TAX1BP1: variants seen among roughly 807,000 people sequenced by gnomAD.
TAX1BP1 encodes the protein Tax1 binding protein 1, also known as tax1-binding protein 1.
Under a neutral mutation model 97.7 loss-of-function variants are expected in TAX1BP1, and 62 were observed. The ratio of observed to expected loss-of-function variants is 0.63; its 90% CI spans 0.52 to 0.78. The LOEUF (loss-of-function observed/expected upper bound fraction) is 0.78, where lower values mean the gene tolerates loss of function less well. Ranked by LOEUF, TAX1BP1 falls within the 30% of genes least tolerant of loss-of-function variation. The pLI, the probability that TAX1BP1 is intolerant of heterozygous loss-of-function variation, is 0.00. For synonymous variants in TAX1BP1, 340 were observed against 304.2 expected (o/e 1.12, Z -1.23); for missense variants, 867 against 916.1 (o/e 0.95, Z 0.69).
At chr7:27,801,242 A>T (rs1333958818) in intron 13 of TAX1BP1, among the ~76,000 whole-genome samples, 5 of 145,916 alleles carry the variant, frequency 3.4e-5, no homozygotes, top group East Asian at 2.0e-4. Flanking sequence ...TATAATTTAC[A>T]TTTTTTTTTT....
rs754964407 is a variant in TAX1BP1 at position 27,799,999 on chromosome 7, A to T, written c.1673A>T (p.Glu558Val). 2 of 1,603,204 alleles carry T rather than the reference A, an allele frequency of 1.2e-6. No homozygotes were observed. Among genetic ancestry groups the T allele is most frequent in the Admixed American group, 3.5e-5 (2 of 57,940 alleles). Residue 558 changes from glutamate (E) to valine (V), a missense_variant, in exon 13 of 17, where the codon GAA becomes GTA. By Grantham distance (121) the Glu-to-Val change is moderately radical (BLOSUM62 -2). Around this residue, in one of 3 missense-constraint regions of TAX1BP1, gnomAD observed 822 missense variants for 851.4 expected, o/e 0.97. Transcript: ENST00000396319. ...EKAKCNKYAD[E>V]LAKMELKWKE... ...GCAAAATGCAATAAATATGCTGATG[A>T]ACTTGCAAAAATGGAGCTGAAATGG...
chr7:27,821,804 A>G (rs555014518), intron 15 of TAX1BP1, among the ~76,000 whole-genome samples: 40 of 152,208 alleles, frequency 2.6e-4, no homozygotes, highest in African/African-American at 9.1e-4. Context: ...AGCAAAAAAA[A>G]CCCTGTAGCC....
At chr7:27,807,545 T>G (rs1254145479) in intron 13 of TAX1BP1, among the ~76,000 whole-genome samples, 1 of 152,154 alleles carries the variant, frequency 6.6e-6, no homozygotes, top group East Asian at 1.9e-4. Context: ...GGTTATGAAT[T>G]TTGCCAGGAA....
At chr7:27,793,748 A>G (rs979428526) in intron 10 of TAX1BP1, among the ~76,000 whole-genome samples, 2 of 152,214 alleles carry the variant, frequency 1.3e-5, no homozygotes, top group Admixed American at 1.3e-4. Context: ...GTTTTGAGGT[A>G]TGTATGTTTC....
In TAX1BP1 at chr7:27,816,644, A is replaced by T. The variant is rs148247927; in HGVS notation, c.1936+124A>T. 6.1e-4 allele frequency: 593 copies of T among 971,198 alleles called. 2 individuals are homozygous for T. The African/African-American group carries it at 9.0e-3, about 15-fold the overall frequency. The allele number at this position is 971,198 out of a possible 1,614,324, so 60.2% of individuals were successfully genotyped here. A position where few individuals can be genotyped will look rare whatever the true frequency, so the allele number is the denominator to read the frequency against. On this transcript the variant is annotated intron_variant, in intron 14 of 16. Coordinates refer to ENST00000396319, the MANE Select transcript of TAX1BP1 (RefSeq NM_006024.7). Reference sequence around the variant, plus strand: ...AATACAAACATTATTTTATTTGTATAATTAGCAGTTTTAATATTTAACACT... The same window carrying T: ...AATACAAACATTATTTTATTTGTATTATTAGCAGTTTTAATATTTAACACT...
intron 4 of TAX1BP1, 111 bp downstream of exon 4, chr7:27,766,132 A>G: frequency 8.5e-7 from 1 of 1,172,116 alleles, no homozygotes. Context: ...CAAAAATCGA[A>G]TGCTTTGGCT....
chr7:27,821,878 T>G (rs1355623217), intron 15 of TAX1BP1, among the ~76,000 whole-genome samples: 1 of 152,206 alleles, frequency 6.6e-6, no homozygotes, highest in Non-Finnish European at 1.5e-5. Flanking sequence ...CCACTTTGTT[T>G]ATAGATTCGT....
chr7:27,742,245 G>A (rs62449629), intron 1 of TAX1BP1, among the ~76,000 whole-genome samples: 3 of 152,020 alleles, frequency 2.0e-5, no homozygotes, highest in African/African-American at 7.2e-5. Context: ...CCCTTCCCAC[G>A]AGGCCATATT....
At chr7:27,827,671 G>T in intron 15 of TAX1BP1, 67 bp from the exon 16 acceptor site, 1 of 1,335,962 alleles carries the variant, frequency 7.5e-7, no homozygotes, top group South Asian at 1.2e-5. Context: ...GTATGTGCTT[G>T]ATTGAATTAA....
chr7:27,819,757 G>A (rs921836316), intron 15 of TAX1BP1, among the ~76,000 whole-genome samples: 2 of 152,156 alleles, frequency 1.3e-5, no homozygotes, highest in Admixed American at 6.5e-5. Context: ...CCATCTTAAA[G>A]TTCAAAAATT....
At chr7:27,807,142 C>T (rs1246433024) in intron 13 of TAX1BP1, among the ~76,000 whole-genome samples, 3 of 151,816 alleles carry the variant, frequency 2.0e-5, no homozygotes, top group Admixed American at 6.6e-5. Flanking sequence ...GTATAGTGAA[C>T]TCTCATTTAT....
Position 27,755,997 on chromosome 7 carries a change from A to G in TAX1BP1, c.163-2034A>G, listed in dbSNP as rs921544715. 4.6e-5 allele frequency among the ~76,000 whole-genome samples: 7 copies of G among 152,284 alleles called. 1 individual carries two copies. Among genetic ancestry groups the G allele is most frequent in the African/African-American group, 1.7e-4 (7 of 41,582 alleles). ...TGGTAATGGTGGACTAAAAGACAAG[A>G]TTTCTTGCATTTCAGTGTGTCCTGT... On this transcript the variant is annotated intron_variant, in intron 2 of 16. Transcript: ENST00000396319.
intron 3 of TAX1BP1, among the ~76,000 whole-genome samples, chr7:27,761,386 T>C (rs1435216945): frequency 6.6e-6 from 1 of 152,220 alleles, no homozygotes; most frequent in African/African-American, 2.4e-5. Flanking sequence ...ATGTAAATTC[T>C]GTTGATTTTG....
chr7:27,765,460 A>C (rs1562706838), intron 3 of TAX1BP1, among the ~76,000 whole-genome samples: 1 of 152,098 alleles, frequency 6.6e-6, no homozygotes, highest in Non-Finnish European at 1.5e-5. Context: ...GATTTCTCTA[A>C]ATGACATATT....
chr7:27,779,291 A>C (rs1331596283), intron 5 of TAX1BP1, among the ~76,000 whole-genome samples: 1 of 152,152 alleles, frequency 6.6e-6, no homozygotes, highest in Non-Finnish European at 1.5e-5. Context: ...TGCTTGGCTC[A>C]TATCTAGATT....
intron 2 of TAX1BP1, among the ~76,000 whole-genome samples, chr7:27,755,468 C>T (rs988384298): frequency 1.3e-5 from 2 of 152,026 alleles, no homozygotes; most frequent in African/African-American, 4.8e-5. Flanking sequence ...CTCAATGTTT[C>T]TCCAGGATTT....
intron 5 of TAX1BP1, among the ~76,000 whole-genome samples, chr7:27,779,594 T>A (rs1730045914): frequency 6.6e-6 from 1 of 152,232 alleles, no homozygotes; most frequent in African/African-American, 2.4e-5. Context: ...TAATTTTTTG[T>A]CTTAATGGCA....
At chr7:27,769,933 A>G (rs1788783386) in intron 5 of TAX1BP1, 99 bp downstream of exon 5, 4 of 1,216,344 alleles carry the variant, frequency 3.3e-6, no homozygotes, top group Non-Finnish European at 4.7e-6. Flanking sequence ...AAAACCAGGT[A>G]CTGAGAAAAG....
At chr7:27,754,483 A>C (rs1234888874) in intron 2 of TAX1BP1, among the ~76,000 whole-genome samples, 2 of 151,232 alleles carry the variant, frequency 1.3e-5, no homozygotes, top group African/African-American at 4.8e-5. Flanking sequence ...TACCTAATTA[A>C]TATCAATGGT....
Sources: allele counts gnomAD v4.1 joint callset (sites outside exome capture counted in the v4.1 genomes callset), GRCh38; gene constraint gnomAD v4.1.1; regional missense constraint gnomAD v4.1.1; transcripts MANE v1.5; gene names NCBI Gene and HGNC (gene_info 2026-07-23, HGNC 2026-07-21).